The following SYNE2 variants were observed in gnomAD, a reference collection of about 807,000 sequenced individuals.
SYNE2 encodes the protein nesprin-2.
A neutral mutation model predicts 856.3 loss-of-function variants in SYNE2; 431 were observed. The ratio of observed to expected loss-of-function variants is 0.50; its 90% confidence interval spans 0.47 to 0.55. The LOEUF is 0.55. SYNE2 is among the 20% of genes least tolerant of loss of function. The probability of loss-of-function intolerance (pLI) is 0.00; values close to 1 mark genes in which losing one functional copy is unlikely to be tolerated. For synonymous variants in SYNE2, 2,923 were observed against 2,872.3 expected (o/e 1.02, Z -0.56); for missense variants, 8,129 against 8,023.2 (o/e 1.01, Z -0.50).
At chr14:63,960,808 G>A in intron 8 of SYNE2, 1 of 761,428 alleles carries the variant, frequency 1.3e-6, no homozygotes, top group Non-Finnish European at 2.4e-6. Flanking sequence ...TACTTGTGAG[G>A]CTGAGATTGG....
intron 7 of SYNE2, among the ~76,000 whole-genome samples, chr14:63,952,447 T>G (rs552867983): frequency 6.6e-6 from 1 of 152,366 alleles, no homozygotes; most frequent in African/African-American, 2.4e-5. Context: ...CAATTTGCCA[T>G]TACTTTTAAT....
chr14:63,926,092 C>T (rs1449058890), intron 2 of SYNE2, among the ~76,000 whole-genome samples: 1 of 152,108 alleles, frequency 6.6e-6, no homozygotes, highest in Non-Finnish European at 1.5e-5. Flanking sequence ...GATCTGCCCA[C>T]CTCAGCCTCC....
At chr14:63,894,070 ATTAT>A (rs1424432737) in intron 1 of SYNE2, among the ~76,000 whole-genome samples, 1 of 152,120 alleles carries the variant, frequency 6.6e-6, no homozygotes, top group Non-Finnish European at 1.5e-5. Flanking sequence ...GACTGACCTA[ATTAT>A]TTGTTTCTTT....
chr14:64,029,018 C>T (rs1392646753), intron 43 of SYNE2, among the ~76,000 whole-genome samples: 1 of 152,138 alleles, frequency 6.6e-6, no homozygotes. Flanking sequence ...CGCCTGTAGT[C>T]CCACCTACTG....
intron 15 of SYNE2, 99 bp from the exon 16 acceptor site, chr14:63,980,887 T>C: frequency 9.3e-7 from 1 of 1,069,718 alleles, no homozygotes; most frequent in Non-Finnish European, 1.4e-6. Flanking sequence ...TCAGAGTACA[T>C]ATTATTTTGC....
chr14:64,087,512 G>A, intron 57 of SYNE2, 159 bp from the exon 58 acceptor site: 1 of 816,770 alleles, frequency 1.2e-6, no homozygotes, highest in East Asian at 2.5e-5. Flanking sequence ...GTCTTTCACT[G>A]TCATTGACAA....
At chr14:63,837,918 C>CAAAAA (rs34952817) in intron 1 of SYNE2, among the ~76,000 whole-genome samples, 43 of 62,054 alleles carry the variant, frequency 6.9e-4, no homozygotes, top group Admixed American at 1.2e-3. Context: ...GACTCTGTTT[C>CAAAAA]AAAAAAAAAA....
chr14:64,193,227 C>T (rs1311502688), intron 99 of SYNE2, among the ~76,000 whole-genome samples: 1 of 152,164 alleles, frequency 6.6e-6, no homozygotes, highest in Non-Finnish European at 1.5e-5. Flanking sequence ...CTGCTTTGGC[C>T]CTGTGGGCAG....
At chr14:63,858,649 C>T (rs1892602733) in intron 1 of SYNE2, among the ~76,000 whole-genome samples, 1 of 152,026 alleles carries the variant, frequency 6.6e-6, no homozygotes, top group Admixed American at 6.6e-5. Flanking sequence ...ACAGCAGAGC[C>T]CTTATAACCT....
chr14:64,100,874 A>G (rs1379279091), intron 63 of SYNE2, among the ~76,000 whole-genome samples: 2 of 143,704 alleles, frequency 1.4e-5, no homozygotes, highest in African/African-American at 5.3e-5. Context: ...TTTTTTTTTT[A>G]CATTCCACAT....
In SYNE2 at chr14:64,166,357, A is replaced by C. The variant is rs188280675; in HGVS notation, c.16606-876A>C. 4.0e-3 allele frequency among the ~76,000 whole-genome samples: 610 copies of C among 152,346 alleles called. 1 individual carries two copies. Among genetic ancestry groups the C allele is most frequent in the Non-Finnish European group, 5.6e-3 (383 of 68,036 alleles). ...GCCCTTTTACAGAAAAAGTTTGCTTATCCTGACCTAGAATATTACAGCAGA... is the reference window on the plus strand; with the variant it reads ...GCCCTTTTACAGAAAAAGTTTGCTTCTCCTGACCTAGAATATTACAGCAGA... On this transcript the variant is annotated intron_variant, in intron 90 of 115. Coordinates refer to ENST00000555002, the MANE Select transcript of SYNE2 (RefSeq NM_182914.3).
At chr14:63,818,228 G>A (rs1196385031) in intron 1 of SYNE2, among the ~76,000 whole-genome samples, 2 of 151,412 alleles carry the variant, frequency 1.3e-5, no homozygotes, top group South Asian at 2.1e-4. Context: ...CCAGCTACTC[G>A]GGAATCTGAG....
At chr14:63,948,531 G>T (rs1453756916) in intron 6 of SYNE2, among the ~76,000 whole-genome samples, 1 of 151,070 alleles carries the variant, frequency 6.6e-6, no homozygotes, top group African/African-American at 2.4e-5. Context: ...GAGTGGTGGC[G>T]TGCGCCTGTA....
At chr14:64,018,464 G>C (rs940058858) in intron 34 of SYNE2, among the ~76,000 whole-genome samples, 6 of 152,140 alleles carry the variant, frequency 3.9e-5, no homozygotes, top group Admixed American at 3.9e-4. Context: ...GACTGGTCTT[G>C]AGCTCCTGAC....
chr14:64,139,672 C>T (rs1054048713), intron 79 of SYNE2, among the ~76,000 whole-genome samples: 7 of 152,066 alleles, frequency 4.6e-5, no homozygotes, highest in African/African-American at 1.7e-4. Context: ...TTCGGCCTCC[C>T]AAAGTGCTGG....
At chr14:63,949,695 A>G (rs2096120123) in intron 6 of SYNE2, 130 bp from the exon 7 acceptor site, 7 of 919,488 alleles carry the variant, frequency 7.6e-6, no homozygotes, top group Non-Finnish European at 1.3e-5. Flanking sequence ...TTTGCCCAGT[A>G]TTCATTTCAC....
In SYNE2 at chr14:64,126,186, C is replaced by A. The variant is rs1464030920; in HGVS notation, c.13555-141C>A. ...TAAGTTTATTTATTTGTTCTGCTACCTAGTTCACAAAGCGTTTGAAGCAAC... is the reference window on the plus strand; with the variant it reads ...TAAGTTTATTTATTTGTTCTGCTACATAGTTCACAAAGCGTTTGAAGCAAC... On this transcript the variant is annotated intron_variant, in intron 71 of 115. Coordinates refer to ENST00000555002, the MANE Select transcript of SYNE2 (RefSeq NM_182914.3). 38 of 708,304 alleles carry A rather than the reference C, an allele frequency of 5.4e-5. No individual in the cohort carries two copies. The Admixed American group carries it at 9.2e-4, about 17-fold the overall frequency. The allele number at this position is 708,304 out of a possible 1,614,324, so 43.9% of individuals were successfully genotyped here. A position where few individuals can be genotyped will look rare whatever the true frequency, so the allele number is the denominator to read the frequency against.
intron 62 of SYNE2, 135 bp downstream of exon 62, chr14:64,098,281 A>C: frequency 1.0e-6 from 1 of 957,022 alleles, no homozygotes. Context: ...GGAAATACTC[A>C]ACCTGAGGTT....
chr14:63,894,725 G>A (rs1208468035), intron 1 of SYNE2, among the ~76,000 whole-genome samples: 2 of 152,098 alleles, frequency 1.3e-5, no homozygotes, highest in Non-Finnish European at 2.9e-5. Context: ...AGTGTCCTTA[G>A]GAATATATTT....
Sources: allele counts gnomAD v4.1 joint callset (sites outside exome capture counted in the v4.1 genomes callset), GRCh38; gene constraint gnomAD v4.1.1; transcripts MANE v1.5; gene names NCBI Gene and HGNC (gene_info 2026-07-23, HGNC 2026-07-21).